The following PARD3B variants were observed in gnomAD, a reference collection of about 807,000 sequenced individuals.
The protein encoded by PARD3B is par-3 family cell polarity regulator beta.
PARD3B carries 103 observed loss-of-function variants against 130.2 expected under a neutral mutation model. That is an observed-to-expected ratio of 0.79 (90% CI 0.67 to 0.93). The LOEUF is 0.93. Among genes scored for constraint, PARD3B ranks in the 40% least tolerant of loss-of-function variants. The pLI is 0.00. For missense variants in PARD3B, 1,609 were observed against 1,499.2 expected, an observed-to-expected ratio of 1.07 and a Z score of -1.21; for synonymous variants, 583 against 553.2, an observed-to-expected ratio of 1.05 and a Z score of -0.76.
chr2:205,029,392 T>C (rs1167116467), intron 3 of PARD3B, among the ~76,000 whole-genome samples: 2 of 152,144 alleles, frequency 1.3e-5, no homozygotes, highest in East Asian at 3.9e-4. Context: ...CTCTACCTCA[T>C]CCTATAAGTG....
In PARD3B at chr2:205,351,453, G is replaced by A. The variant is rs867148200; in HGVS notation, c.2631-49560G>A. Among the ~76,000 whole-genome samples the A allele has an allele frequency of 5.3e-5, 8 of 152,170 alleles. No individual in the cohort carries two copies. The highest frequency in any genetic ancestry group is 1.9e-4 in the African/African-American group (8 of 41,454). ...GGTTGCCCTCAAGCTAGGTGCTGGA[G>A]GGATTTTGCCAACTGCACCTGGTGC... On this transcript the variant is annotated intron_variant, in intron 18 of 22. Coordinates refer to ENST00000406610, the MANE Select transcript of PARD3B (RefSeq NM_001302769.2). The surrounding 1 kb of genome is among the most constrained non-coding windows in gnomAD (Gnocchi z 4.2).
At chr2:204,864,353 C>T (rs984487445) in intron 2 of PARD3B, among the ~76,000 whole-genome samples, 1 of 152,162 alleles carries the variant, frequency 6.6e-6, no homozygotes, top group Non-Finnish European at 1.5e-5. Flanking sequence ...CCCAAATGAT[C>T]TGGCCCTACT....
At chr2:205,495,273 C>A (rs2049883012) in intron 20 of PARD3B, among the ~76,000 whole-genome samples, 1 of 152,142 alleles carries the variant, frequency 6.6e-6, no homozygotes, top group East Asian at 1.9e-4. Context: ...TTTTTAAAAT[C>A]ATTACAATAT....
At chr2:205,315,193 C>A (rs1362181512) in intron 18 of PARD3B, among the ~76,000 whole-genome samples, 1 of 152,146 alleles carries the variant, frequency 6.6e-6, no homozygotes, top group Non-Finnish European at 1.5e-5. Context: ...AAGAGAGCAG[C>A]TCTGGAACTA....
intron 20 of PARD3B, among the ~76,000 whole-genome samples, chr2:205,493,812 C>T (rs576587480): frequency 1.9e-4 from 29 of 151,900 alleles, no homozygotes; most frequent in Admixed American, 5.2e-4. Flanking sequence ...GCCTGGAGTA[C>T]AGTGGCATGA....
At chr2:205,406,818 G>A (rs867645516) in intron 19 of PARD3B, among the ~76,000 whole-genome samples, 12 of 151,480 alleles carry the variant, frequency 7.9e-5, no homozygotes, top group South Asian at 2.1e-4. Context: ...CTACAGGCAC[G>A]CGCCACCATG....
intron 21 of PARD3B, among the ~76,000 whole-genome samples, chr2:205,534,853 A>G (rs1410277258): frequency 6.6e-6 from 1 of 152,230 alleles, no homozygotes; most frequent in East Asian, 1.9e-4. Context: ...AGAAAAGAGT[A>G]AAAACGATTG....
chr2:204,671,360 G>T (rs913393789), intron 1 of PARD3B, among the ~76,000 whole-genome samples: 4 of 152,090 alleles, frequency 2.6e-5, no homozygotes, highest in African/African-American at 9.7e-5. Context: ...ATGGTGGGGG[G>T]CACCTACCTA....
At position 205,446,232 on chromosome 2, in the gene PARD3B, G is replaced by A. The variant is rs13035399; in HGVS notation, c.3044+5560G>A. ...GACCAAAGGCAGATGAGAGAGGTTG[G>A]CCGGCCTTGACGAAGAGTTTGGACT... On this transcript the variant is annotated intron_variant, in intron 20 of 22. Coordinates refer to ENST00000406610, the MANE Select transcript of PARD3B (RefSeq NM_001302769.2). This position sits in a 1 kb window ranked among gnomAD's most constrained non-coding sequence, Gnocchi z 4.4. 5.3e-3 allele frequency among the ~76,000 whole-genome samples: 801 copies of A among 152,256 alleles called. 4 individuals are homozygous for A. The highest frequency in any genetic ancestry group is 8.9e-3 in the Non-Finnish European group (607 of 68,006).
At chr2:204,635,874 A>G (rs535763480) in intron 1 of PARD3B, among the ~76,000 whole-genome samples, 3 of 152,326 alleles carry the variant, frequency 2.0e-5, no homozygotes, top group Middle Eastern at 3.4e-3. Context: ...ATAATGTGAT[A>G]GTCTTTGAAC....
chr2:204,618,075 C>T (rs905061140), intron 1 of PARD3B, among the ~76,000 whole-genome samples: 2 of 152,162 alleles, frequency 1.3e-5, no homozygotes, highest in East Asian at 1.9e-4. Context: ...ATTGTGCTTT[C>T]TCCAAAGTTA....
intron 1 of PARD3B, among the ~76,000 whole-genome samples, chr2:204,665,713 A>T (rs541097099): frequency 6.6e-6 from 1 of 152,212 alleles, no homozygotes; most frequent in South Asian, 2.1e-4. Context: ...GTGACCTCTA[A>T]CTGGTAATTT....
intron 4 of PARD3B, among the ~76,000 whole-genome samples, chr2:205,090,379 A>G (rs1702032325): frequency 6.6e-6 from 1 of 152,232 alleles, no homozygotes; most frequent in Non-Finnish European, 1.5e-5. Flanking sequence ...TTGAAACATA[A>G]CTGCTTCATG....
rs116404106 is a variant in PARD3B, at chr2:204,855,046, T to C, written c.223-110106T>C. ...GCTCACAGATTGGTTGGATTAGGCA[T>C]GACATTTACATAGCGTGCAAGGAAG... On this transcript the variant is annotated intron_variant, in intron 2 of 22. Coordinates refer to ENST00000406610, the MANE Select transcript of PARD3B (RefSeq NM_001302769.2). Among the ~76,000 whole-genome samples, 888 of 152,190 alleles carry C rather than the reference T, an allele frequency of 5.8e-3. 10 individuals carry two copies. The highest frequency in any genetic ancestry group is 0.021 in the African/African-American group (857 of 41,534).
In PARD3B at chr2:205,244,274, C is replaced by T. The variant is rs374351722; in HGVS notation, c.2141-1504C>T. 2.6e-5 allele frequency among the ~76,000 whole-genome samples: 4 copies of T among 152,100 alleles called. No individual in the cohort carries two copies. The highest frequency in any genetic ancestry group is 1.9e-4 in the East Asian group (1 of 5,182). Reference sequence around the variant, plus strand: ...ACTCTGAGATCAATCTAGTGTTAGGCGAAATGGAAGAGATTCTTCTTGTTA... The same window carrying T: ...ACTCTGAGATCAATCTAGTGTTAGGTGAAATGGAAGAGATTCTTCTTGTTA... On this transcript the variant is annotated intron_variant, in intron 15 of 22. Coordinates refer to ENST00000406610, the MANE Select transcript of PARD3B (RefSeq NM_001302769.2). The surrounding 1 kb of genome is among the most constrained non-coding windows in gnomAD (Gnocchi z 4.7).
At position 205,309,722 on chromosome 2, in the gene PARD3B, C is replaced by T. The variant is rs1436759760; in HGVS notation, c.2630+8021C>T. Among the ~76,000 whole-genome samples the T allele has an allele frequency of 4.6e-5, 7 of 152,056 alleles. No individual in the cohort carries two copies. Among genetic ancestry groups the T allele is most frequent in the Non-Finnish European group, 8.8e-5 (6 of 68,006 alleles). On this transcript the variant is annotated intron_variant, in intron 18 of 22. Transcript: ENST00000406610. This position sits in a 1 kb window ranked among gnomAD's most constrained non-coding sequence, Gnocchi z 4.7. ...GCTGAACCTAATTAAAAATCTATCCCTTACAAGCTCTGCGGCCTTCACGAG... is the reference window on the plus strand; with the variant it reads ...GCTGAACCTAATTAAAAATCTATCCTTTACAAGCTCTGCGGCCTTCACGAG...
chr2:205,235,811 C>T (rs1220067991), intron 15 of PARD3B, among the ~76,000 whole-genome samples: 1 of 152,112 alleles, frequency 6.6e-6, no homozygotes, highest in Non-Finnish European at 1.5e-5. Flanking sequence ...ACAGCAGAAC[C>T]ATGGATAAGG....
At chr2:204,666,998 C>G (rs1229135503) in intron 1 of PARD3B, among the ~76,000 whole-genome samples, 3 of 152,144 alleles carry the variant, frequency 2.0e-5, no homozygotes, top group Non-Finnish European at 2.9e-5. Context: ...AAACTGAGAA[C>G]TGGACATATG....
At chr2:204,662,451 A>G (rs1013270942) in intron 1 of PARD3B, among the ~76,000 whole-genome samples, 1 of 152,318 alleles carries the variant, frequency 6.6e-6, no homozygotes, top group Non-Finnish European at 1.5e-5. Context: ...GAAAACCATC[A>G]TCTGCCTTTC....
Sources: gnomAD v4.1 joint callset for allele counts (sites outside exome capture counted in the v4.1 genomes callset) on GRCh38, gnomAD v4.1.1 for gene constraint, Gnocchi (gnomAD v3.1) non-coding constraint, MANE v1.5 for transcripts, NCBI Gene and HGNC (gene_info 2026-07-23, HGNC 2026-07-21) for gene names.